The following ABHD12 variants were observed in gnomAD, a reference collection of about 807,000 sequenced individuals.
The protein encoded by ABHD12 is lysophosphatidylserine lipase ABHD12.
A neutral mutation model predicts 58.3 loss-of-function variants in ABHD12; 43 were observed. The observed-to-expected ratio is 0.74, with a 90% confidence interval of 0.58 to 0.95. The LOEUF is 0.95. Among genes scored for constraint, ABHD12 ranks in the 40% least tolerant of loss-of-function variants. The probability of loss-of-function intolerance (pLI) is 0.00; values close to 1 mark genes in which losing one functional copy is unlikely to be tolerated. For missense variants in ABHD12, 539 were observed against 537.2 expected, an observed-to-expected ratio of 1.00 and a Z score of -0.03; for synonymous variants, 219 against 211.2, an observed-to-expected ratio of 1.04 and a Z score of -0.32.
intron 1 of ABHD12, among the ~76,000 whole-genome samples, chr20:25,359,364 C>T (rs2089711341): frequency 7.3e-6 from 1 of 137,732 alleles, no homozygotes; most frequent in Non-Finnish European, 1.5e-5. Flanking sequence ...GCGGAGCTTG[C>T]AGTGAGCCGA....
intron 5 of ABHD12, among the ~76,000 whole-genome samples, chr20:25,315,446 T>C (rs761655067): frequency 2.6e-5 from 4 of 152,126 alleles, no homozygotes; most frequent in Non-Finnish European, 4.4e-5. Flanking sequence ...TATTTTTTTT[T>C]AATCCCTACA....
intron 4 of ABHD12, 27 bp downstream of exon 4, chr20:25,320,172 C>A: frequency 6.2e-7 from 1 of 1,613,122 alleles, no homozygotes; most frequent in Non-Finnish European, 8.5e-7. Context: ...TGCTCCACAG[C>A]AAAGATGATG....
At chr20:25,311,245 G>C (rs1294340409) in intron 6 of ABHD12, among the ~76,000 whole-genome samples, 1 of 152,202 alleles carries the variant, frequency 6.6e-6, no homozygotes, top group Non-Finnish European at 1.5e-5. Flanking sequence ...GGGTGATCCT[G>C]GACAAGCTGG....
downstream of ABHD12, chr20:25,296,475 G>A (rs562479236): frequency 5.8e-5 from 93 of 1,613,746 alleles, no homozygotes; most frequent in Non-Finnish European, 7.7e-5. Context: ...CTGGGGTGTG[G>A]AGCCCTCCGA....
At chr20:25,386,199 T>A (rs929951283) in intron 1 of ABHD12, among the ~76,000 whole-genome samples, 1 of 151,694 alleles carries the variant, frequency 6.6e-6, no homozygotes, top group Non-Finnish European at 1.5e-5. Context: ...AACAACTTGA[T>A]AAAGGTTGCA....
At chr20:25,351,738 C>T (rs1007538008) in intron 1 of ABHD12, among the ~76,000 whole-genome samples, 1 of 152,104 alleles carries the variant, frequency 6.6e-6, no homozygotes, top group Non-Finnish European at 1.5e-5. Flanking sequence ...CCTGTCTCTA[C>T]TAAAAATACA....
intron 1 of ABHD12, among the ~76,000 whole-genome samples, chr20:25,361,678 G>C (rs76283203): frequency 1.1e-4 from 16 of 152,214 alleles, no homozygotes; most frequent in Admixed American, 3.3e-4. Context: ...ACCTGGGACC[G>C]GGCGTGGTGG....
At chr20:25,374,489 G>A (rs946685456) in intron 1 of ABHD12, among the ~76,000 whole-genome samples, 15 of 152,050 alleles carry the variant, frequency 9.9e-5, no homozygotes, top group Non-Finnish European at 1.5e-4. Flanking sequence ...TACAATTACA[G>A]TAAGTTTGTT....
intron 11 of ABHD12, 69 bp from the exon 12 acceptor site, chr20:25,302,415 C>T: frequency 3.1e-6 from 5 of 1,594,578 alleles, no homozygotes; most frequent in Non-Finnish European, 4.3e-6. Context: ...GGAACACCAG[C>T]TTGGCAGCCT....
In ABHD12 at chr20:25,313,578, A is replaced by T. The variant is rs200407660; in HGVS notation, c.619+1347T>A. On this transcript the variant is annotated intron_variant, in intron 6 of 12. Transcript: ENST00000339157. ...AGAGGAACACCCAAGAATGATCAAT[A>T]AAAATAAAATAAAATAAAATAAAAT... Among the ~76,000 whole-genome samples, 1,001 of 131,686 alleles carry T rather than the reference A, an allele frequency of 7.6e-3. 9 individuals carry two copies. The highest frequency in any genetic ancestry group is 0.036 in the Middle Eastern group (10 of 274). 86.4% of individuals were successfully genotyped at this position (131,686 alleles called of 152,430 possible).
rs6050560 is a variant in ABHD12 at position 25,353,305 on chromosome 20, T to A, written c.192-13954A>T. On this transcript the variant is annotated intron_variant, in intron 1 of 12. Coordinates refer to ENST00000339157, the MANE Select transcript of ABHD12 (RefSeq NM_001042472.3). ...GCAAACATGCCATGTTTAATATACC[T>A]TTAAAGTTAATTCCCAAAGTGTGAA... Among the ~76,000 whole-genome samples the A allele has an allele frequency of 8.3e-3, 1,255 of 151,910 alleles. 18 individuals are homozygous for A. The highest frequency in any genetic ancestry group is 0.029 in the African/African-American group (1,201 of 41,464).
chr20:25,324,067 G>A (rs185938824), intron 2 of ABHD12, among the ~76,000 whole-genome samples: 22 of 152,300 alleles, frequency 1.4e-4, no homozygotes, highest in Admixed American at 1.3e-3. Context: ...TCAGTGCAAT[G>A]GCCCAGCAGA....
At chr20:25,361,662 T>C (rs545225595) in intron 1 of ABHD12, among the ~76,000 whole-genome samples, 94 of 152,300 alleles carry the variant, frequency 6.2e-4, no homozygotes, top group Non-Finnish European at 6.6e-4. Flanking sequence ...CATTTGAAAA[T>C]CTTACACCTG....
At chr20:25,359,304 G>A (rs897417962) in intron 1 of ABHD12, among the ~76,000 whole-genome samples, 2 of 149,392 alleles carry the variant, frequency 1.3e-5, no homozygotes, top group African/African-American at 4.9e-5. Flanking sequence ...GGCGCCTGTA[G>A]TCCCAGCTAC....
intron 1 of ABHD12, among the ~76,000 whole-genome samples, chr20:25,371,142 T>A (rs1417987924): frequency 6.6e-6 from 1 of 152,196 alleles, no homozygotes; most frequent in African/African-American, 2.4e-5. Flanking sequence ...AGATTCCTAC[T>A]TTAAAGGAGA....
At chr20:25,328,494 G>A (rs1304604325) in intron 2 of ABHD12, among the ~76,000 whole-genome samples, 1 of 152,228 alleles carries the variant, frequency 6.6e-6, no homozygotes, top group East Asian at 1.9e-4. Flanking sequence ...GCACCACTGA[G>A]GGCCGAGGAC....
intron 1 of ABHD12, among the ~76,000 whole-genome samples, chr20:25,364,692 AC>A (rs757844687): frequency 5.3e-5 from 8 of 152,272 alleles, no homozygotes; most frequent in Non-Finnish European, 1.2e-4. Context: ...CCCAAAACAT[AC>A]GTCACTAAAT....
In ABHD12 at chr20:25,316,478, A is replaced by G. The variant is rs73345040; in HGVS notation, c.573+570T>C. 8.2e-3 allele frequency among the ~76,000 whole-genome samples: 1,246 copies of G among 152,288 alleles called. 21 individuals carry two copies. The highest frequency in any genetic ancestry group is 0.029 in the African/African-American group (1,191 of 41,570). On this transcript the variant is annotated intron_variant, in intron 5 of 12. Coordinates refer to ENST00000339157, the MANE Select transcript of ABHD12 (RefSeq NM_001042472.3). ...CCAGCCGTCTCTTTTCATTTTATAC[A>G]CAAGTAACGTAACATTGAAAAACAA...
intron 10 of ABHD12, among the ~76,000 whole-genome samples, chr20:25,304,820 G>A (rs922386487): frequency 1.3e-5 from 2 of 152,250 alleles, no homozygotes; most frequent in Admixed American, 1.3e-4. Flanking sequence ...GCCTGCCTCA[G>A]CCTCCCAAAA....
Sources: gnomAD v4.1 joint callset for allele counts (sites outside exome capture counted in the v4.1 genomes callset) on GRCh38, gnomAD v4.1.1 for gene constraint, MANE v1.5 for transcripts, NCBI Gene and HGNC (gene_info 2026-07-23, HGNC 2026-07-21) for gene names.